KHDRBS2: variants seen among roughly 807,000 people sequenced by gnomAD.
KHDRBS2 encodes the protein KH RNA binding domain containing, signal transduction associated 2.
In KHDRBS2, 26 loss-of-function variants were observed where a neutral mutation model predicts 44.3. The ratio of observed to expected loss-of-function variants is 0.59; its 90% CI spans 0.43 to 0.81. The LOEUF (loss-of-function observed/expected upper bound fraction) is 0.81. KHDRBS2 is among the 40% of genes least tolerant of loss of function. KHDRBS2 has a pLI of 0.00. For missense variants in KHDRBS2, 476 were observed against 433.1 expected, an observed-to-expected ratio of 1.10 and a Z score of -0.88; for synonymous variants, 194 against 151.1, an observed-to-expected ratio of 1.28 and a Z score of -2.08.
intron 6 of KHDRBS2, among the ~76,000 whole-genome samples, chr6:61,851,737 G>A (rs879461211): frequency 3.3e-5 from 5 of 152,080 alleles, no homozygotes; most frequent in Non-Finnish European, 7.4e-5. Flanking sequence ...ATAGCATTTC[G>A]TTATGGCAAC....
intron 2 of KHDRBS2, among the ~76,000 whole-genome samples, chr6:62,095,308 A>T (rs895471280): frequency 3.9e-5 from 6 of 151,900 alleles, no homozygotes; most frequent in Non-Finnish European, 7.4e-5. Context: ...TGAAATTCTC[A>T]TCAATGAAAG....
intron 4 of KHDRBS2, among the ~76,000 whole-genome samples, chr6:61,952,071 T>C (rs1449476469): frequency 1.3e-5 from 2 of 152,098 alleles, no homozygotes; most frequent in Non-Finnish European, 2.9e-5. Context: ...TTGATGATAA[T>C]GACTAAGGCA....
the KHDRBS2 span, among the ~76,000 whole-genome samples, chr6:61,584,795 C>T: frequency 6.6e-6 from 1 of 151,790 alleles, no homozygotes; most frequent in African/African-American, 2.4e-5. Flanking sequence ...TGGGAATATT[C>T]AGTGGTATCA....
In KHDRBS2 at chr6:61,767,828, ACTGT is replaced by A. The variant is rs1234748502; in HGVS notation, c.811-35068_811-35065del. Among the ~76,000 whole-genome samples the A allele has an allele frequency of 3.3e-5, 5 of 152,182 alleles. No individual in the cohort carries two copies. In the South Asian group the frequency reaches 6.2e-4, roughly 19 times the overall value. ...ATTGTTTCCATTTATATCTTATTGT[ACTGT>A]CTGTGTCTTGAGAAGTTGTTTTTAT... is the stretch of plus-strand genomic sequence containing the variant. On this transcript the variant is annotated intron_variant, in intron 6 of 8. Transcript: ENST00000281156.
chr6:61,655,574 CAT>C, the KHDRBS2 span, among the ~76,000 whole-genome samples: 2 of 151,966 alleles, frequency 1.3e-5, no homozygotes, highest in Non-Finnish European at 2.9e-5. Context: ...ATTTTTAAGA[CAT>C]ATTTTTTTTC....
the KHDRBS2 span, among the ~76,000 whole-genome samples, chr6:61,646,114 T>A: frequency 1.3e-5 from 2 of 152,184 alleles, no homozygotes; most frequent in Non-Finnish European, 2.9e-5. Context: ...TCAGTCCATA[T>A]AAAGTACTTA....
At chr6:61,656,945 C>A in the KHDRBS2 span, among the ~76,000 whole-genome samples, 1 of 151,886 alleles carries the variant, frequency 6.6e-6, no homozygotes, top group African/African-American at 2.4e-5. Flanking sequence ...ATTATGTAAT[C>A]ATGTTTATTT....
intron 1 of KHDRBS2, among the ~76,000 whole-genome samples, chr6:62,205,720 A>G (rs1479652234): frequency 1.3e-5 from 2 of 152,140 alleles, no homozygotes; most frequent in Non-Finnish European, 2.9e-5. Flanking sequence ...TTTCTCAGCA[A>G]GTTTCCTCCT....
At chr6:61,573,375 T>C in the KHDRBS2 span, among the ~76,000 whole-genome samples, 1 of 152,138 alleles carries the variant, frequency 6.6e-6, no homozygotes, top group Non-Finnish European at 1.5e-5. Flanking sequence ...ATCAATATTA[T>C]GAAAATGACC....
intron 6 of KHDRBS2, among the ~76,000 whole-genome samples, chr6:61,842,729 G>C (rs1209305966): frequency 6.6e-6 from 1 of 152,096 alleles, no homozygotes; most frequent in African/African-American, 2.4e-5. Flanking sequence ...CATATACCTA[G>C]AGAATTAACA....
chr6:61,714,703 A>ATAC (rs1482483448), intron 7 of KHDRBS2, among the ~76,000 whole-genome samples: 1 of 152,006 alleles, frequency 6.6e-6, no homozygotes, highest in African/African-American at 2.4e-5. Context: ...ACACAATGGA[A>ATAC]TACTACTCAT....
intron 1 of KHDRBS2, among the ~76,000 whole-genome samples, chr6:62,265,486 C>A (rs925853442): frequency 6.6e-6 from 1 of 151,806 alleles, no homozygotes; most frequent in Non-Finnish European, 1.5e-5. Flanking sequence ...TAAATGAACT[C>A]CTCCAGATTT....
At chr6:62,276,209 C>A (rs1335669754) in intron 1 of KHDRBS2, among the ~76,000 whole-genome samples, 1 of 152,162 alleles carries the variant, frequency 6.6e-6, no homozygotes, top group African/African-American at 2.4e-5. Context: ...TTTCTGATAA[C>A]AGTATAATAA....
At chr6:61,901,801 C>CA (rs1307931332) in intron 4 of KHDRBS2, among the ~76,000 whole-genome samples, 1 of 151,994 alleles carries the variant, frequency 6.6e-6, no homozygotes, top group African/African-American at 2.4e-5. Context: ...GATGCATAAA[C>CA]AAAAAAGAGC....
At chr6:62,118,056 G>T (rs548259621) in intron 2 of KHDRBS2, among the ~76,000 whole-genome samples, 3 of 152,128 alleles carry the variant, frequency 2.0e-5, no homozygotes, top group Admixed American at 6.6e-5. Flanking sequence ...GATTACAGGC[G>T]TGAGCCACCG....
At chr6:62,247,482 A>T (rs1835785209) in intron 1 of KHDRBS2, among the ~76,000 whole-genome samples, 1 of 152,064 alleles carries the variant, frequency 6.6e-6, no homozygotes, top group Admixed American at 6.6e-5. Flanking sequence ...ATTGTACTAA[A>T]GTAACAATGG....
At chr6:62,192,868 C>T (rs1192824169) in intron 1 of KHDRBS2, among the ~76,000 whole-genome samples, 1 of 152,100 alleles carries the variant, frequency 6.6e-6, no homozygotes, top group East Asian at 1.9e-4. Flanking sequence ...CCATTCATTG[C>T]AAGTGTCACA....
At chr6:62,089,618 C>A (rs1194793810) in intron 2 of KHDRBS2, among the ~76,000 whole-genome samples, 4 of 152,126 alleles carry the variant, frequency 2.6e-5, no homozygotes, top group Admixed American at 6.5e-5. Flanking sequence ...GCAGAAATCA[C>A]CCAACTTCTG....
At chr6:62,201,946 A>G (rs915505466) in intron 1 of KHDRBS2, among the ~76,000 whole-genome samples, 1 of 152,050 alleles carries the variant, frequency 6.6e-6, no homozygotes, top group Non-Finnish European at 1.5e-5. Flanking sequence ...ATTTATTCTT[A>G]TGGATATGTA....
Sources: gnomAD v4.1 joint callset for allele counts (sites outside exome capture counted in the v4.1 genomes callset) on GRCh38, gnomAD v4.1.1 for gene constraint, MANE v1.5 for transcripts, NCBI Gene and HGNC (gene_info 2026-07-23, HGNC 2026-07-21) for gene names.